The following UBOX5 variants were observed in gnomAD, a reference collection of about 807,000 sequenced individuals.
UBOX5 encodes the protein U-box domain containing 5, also known as RING finger protein 37.
In UBOX5, 28 loss-of-function variants were observed where a neutral mutation model predicts 39.0. That is an observed-to-expected ratio of 0.72 (90% CI 0.53 to 0.98). The LOEUF (loss-of-function observed/expected upper bound fraction) is 0.98. UBOX5 is among the 50% of genes least tolerant of loss of function. The pLI, the probability that UBOX5 is intolerant of heterozygous loss-of-function variation, is 0.00. For synonymous variants in UBOX5, 283 were observed against 275.5 expected (o/e 1.03, Z -0.27); for missense variants, 585 against 674.4 (o/e 0.87, Z 1.47).
chr20:3,157,948 G>C (rs1050302264), intron 1 of UBOX5, among the ~76,000 whole-genome samples: 2 of 150,178 alleles, frequency 1.3e-5, no homozygotes, highest in African/African-American at 5.0e-5. Flanking sequence ...CAGTCTGGAG[G>C]GCAGTGGTGC....
chr20:3,110,482 C>T (rs1324829422), intron 4 of UBOX5, 168 bp from the exon 5 acceptor site: 3 of 726,502 alleles, frequency 4.1e-6, no homozygotes, highest in East Asian at 5.4e-5. Context: ...GAGAGGGAGC[C>T]TGGGAACCCG....
At chr20:3,134,167 T>C (rs1341588480) in intron 1 of UBOX5, among the ~76,000 whole-genome samples, 2 of 152,162 alleles carry the variant, frequency 1.3e-5, no homozygotes, top group African/African-American at 2.4e-5. Context: ...AATGATAATA[T>C]ATTATGTGTA....
In UBOX5 at chr20:3,115,287, T is replaced by C. The variant is rs2066284482; in HGVS notation, c.1417+18A>G. On this transcript the variant is annotated intron_variant, in intron 4 of 4. Coordinates refer to ENST00000217173, the MANE Select transcript of UBOX5 (RefSeq NM_014948.4). Reference sequence around the variant, plus strand: ...CACCCATTCCAAGGCTCCAAGGAGATGGCGGGGCCCATGTTACCCGAGCCG... The same window carrying C: ...CACCCATTCCAAGGCTCCAAGGAGACGGCGGGGCCCATGTTACCCGAGCCG... The C allele has an allele frequency of 2.5e-6, 4 of 1,603,892 alleles. No homozygotes were observed. The highest frequency in any genetic ancestry group is 1.3e-5 in the African/African-American group (1 of 74,568).
Position 3,110,118 on chromosome 20 carries a change from C to T in UBOX5, c.1614G>A (p.Arg538=). Residue 538 remains arginine, a synonymous_variant, in exon 5 of 5, where the codon CGG becomes CGA. Transcript: ENST00000217173. The stretch of plus-strand genomic sequence containing the variant: ...GGAGGTCAGTCACTCAGAAGTGGAC[C>T]CGCAGCACGTCTTGGCTAGCAACCG... The part of the protein sequence containing the change: ...QRPVASQDVL[R]VHF 1 of 1,611,928 alleles carries T rather than the reference C, an allele frequency of 6.2e-7. No homozygotes were observed. Among genetic ancestry groups the T allele is most frequent in the East Asian group, 2.2e-5 (1 of 44,880 alleles).
intron 3 of UBOX5, among the ~76,000 whole-genome samples, chr20:3,116,977 T>A (rs991610227): frequency 3.3e-5 from 5 of 151,824 alleles, no homozygotes; most frequent in African/African-American, 1.2e-4. Context: ...GTGCCTGTAA[T>A]CCCAGCTACT....
chr20:3,147,382 G>A (rs756650899), intron 1 of UBOX5: 2 of 1,614,200 alleles, frequency 1.2e-6, no homozygotes, highest in Admixed American at 1.7e-5. Context: ...CCAGTAAAAA[G>A]ACAGTTTCTA....
intron 4 of UBOX5, among the ~76,000 whole-genome samples, chr20:3,114,710 GA>G (rs2066279734): frequency 6.6e-6 from 1 of 152,178 alleles, no homozygotes; most frequent in Admixed American, 6.5e-5. Flanking sequence ...AGCGCTTTGC[GA>G]GGCCGAGGCG....
At chr20:3,147,580 C>T (rs376544256) in intron 1 of UBOX5, 3 of 1,614,174 alleles carry the variant, frequency 1.9e-6, no homozygotes, top group Non-Finnish European at 2.5e-6. Flanking sequence ...ACCTGACAAA[C>T]CCTGGACTGA....
At chr20:3,120,752 C>G (rs1436856848) in intron 3 of UBOX5, among the ~76,000 whole-genome samples, 1 of 152,136 alleles carries the variant, frequency 6.6e-6, no homozygotes, top group Non-Finnish European at 1.5e-5. Context: ...AATTTGTCCA[C>G]ACATTTACTG....
chr20:3,147,536 T>C, intron 1 of UBOX5: 2 of 1,614,220 alleles, frequency 1.2e-6, no homozygotes, highest in African/African-American at 2.7e-5. Context: ...ATATAGTTCC[T>C]TAAGGAGGTC....
At chr20:3,150,060 ACCCT>A (rs764299312) in intron 1 of UBOX5, among the ~76,000 whole-genome samples, 3 of 151,782 alleles carry the variant, frequency 2.0e-5, no homozygotes, top group Non-Finnish European at 4.4e-5. Flanking sequence ...ACCTACGATA[ACCCT>A]CCCTGTTCTT....
rs1313501199 is a variant in UBOX5, at chr20:3,109,552, C to T, written c.*554G>A. On this transcript the variant is annotated 3_prime_UTR_variant, in exon 5 of 5. Transcript: ENST00000217173. ...CCTGTGAGCTCCACTTGTGTGGGTG[C>T]AGGTGGGCGACAGGAGTGTGTGACA... The T allele has an allele frequency of 2.5e-5, 4 of 159,622 alleles. No homozygotes were observed. The highest frequency in any genetic ancestry group is 1.8e-4 in the South Asian group (1 of 5,458). The allele number at this position is 159,622 out of a possible 1,614,324, so 9.9% of individuals were successfully genotyped here.
chr20:3,147,942 T>A (rs3746699), intron 1 of UBOX5: 2 of 1,614,200 alleles, frequency 1.2e-6, no homozygotes, highest in East Asian at 2.2e-5. Flanking sequence ...ATCTCTCCAA[T>A]CTGCTTCATG....
chr20:3,117,957 A>G (rs1238884309), intron 3 of UBOX5, among the ~76,000 whole-genome samples: 2 of 152,048 alleles, frequency 1.3e-5, no homozygotes, highest in Non-Finnish European at 2.9e-5. Context: ...GCGACACTGC[A>G]CTCCAGCCAG....
intron 1 of UBOX5, among the ~76,000 whole-genome samples, chr20:3,127,733 T>C (rs1190244426): frequency 6.6e-6 from 1 of 152,220 alleles, no homozygotes; most frequent in Non-Finnish European, 1.5e-5. Context: ...AGAATAAATT[T>C]TATTATCATA....
At chr20:3,135,297 T>G (rs1022427262) in intron 1 of UBOX5, among the ~76,000 whole-genome samples, 2 of 152,052 alleles carry the variant, frequency 1.3e-5, no homozygotes, top group African/African-American at 4.8e-5. Flanking sequence ...CACTCCATAT[T>G]AATGCTACCA....
chr20:3,147,830 A>G (rs2066582916), intron 1 of UBOX5: 2 of 1,614,220 alleles, frequency 1.2e-6, no homozygotes. Flanking sequence ...AGACGCAGCC[A>G]CTGCATTCAT....
In UBOX5 at chr20:3,108,380, T is replaced by A. The variant is rs1346780312; in HGVS notation, c.*1726A>T. 6.6e-6 allele frequency: 1 copy of A among 152,222 alleles called. No individual in the cohort carries two copies. The highest frequency in any genetic ancestry group is 1.5e-5 in the Non-Finnish European group (1 of 68,168). The allele number at this position is 152,222 out of a possible 1,614,324, so 9.4% of individuals were successfully genotyped here. On this transcript the variant is annotated 3_prime_UTR_variant, in exon 5 of 5. Coordinates refer to ENST00000217173, the MANE Select transcript of UBOX5 (RefSeq NM_014948.4). ...ACCTTGGCCTCCCAAAGTGCTGGGA[T>A]AATAGGCATGAGCCACCATGCCCGG...
At chr20:3,143,471 C>T (rs1424949402) in intron 1 of UBOX5, among the ~76,000 whole-genome samples, 2 of 151,078 alleles carry the variant, frequency 1.3e-5, no homozygotes, top group African/African-American at 4.9e-5. Context: ...ATTGCATCTA[C>T]AATAGCATAA....
Sources: gnomAD v4.1 joint callset for allele counts (sites outside exome capture counted in the v4.1 genomes callset) on GRCh38, gnomAD v4.1.1 for gene constraint, MANE v1.5 for transcripts, NCBI Gene and HGNC (gene_info 2026-07-23, HGNC 2026-07-21) for gene names.